Variants in RNF185 observed in about 807,000 individuals in gnomAD.
RNF185 encodes E3 ubiquitin-protein ligase RNF185.
RNF185 carries 13 observed loss-of-function variants against 24.9 expected under a neutral mutation model. The observed-to-expected ratio is 0.52, with a 90% CI of 0.34 to 0.83. The LOEUF is 0.83. Among genes scored for constraint, RNF185 ranks in the 40% least tolerant of loss-of-function variants. The pLI, the probability that RNF185 is intolerant of heterozygous loss-of-function variation, is 0.01. For missense variants in RNF185, 184 were observed against 244.7 expected, an observed-to-expected ratio of 0.75 and a Z score of 1.65; for synonymous variants, 79 against 90.3, an observed-to-expected ratio of 0.88 and a Z score of 0.71.
At chr22:31,169,601 C>T (rs527903361) in intron 1 of RNF185, among the ~76,000 whole-genome samples, 1 of 152,240 alleles carries the variant, frequency 6.6e-6, no homozygotes, top group Admixed American at 6.6e-5. Context: ...GGCTGGAGTG[C>T]AGTGGCGTGA....
At chr22:31,202,012 T>C (rs888705460) in intron 6 of RNF185, among the ~76,000 whole-genome samples, 2 of 152,168 alleles carry the variant, frequency 1.3e-5, no homozygotes, top group African/African-American at 4.8e-5. Context: ...CTTCCCACTT[T>C]GACCATTTGG....
At chr22:31,173,404 C>CACACAGACACAG (rs1555881052) in intron 1 of RNF185, among the ~76,000 whole-genome samples, 1 of 87,792 alleles carries the variant, frequency 1.1e-5, no homozygotes, top group South Asian at 4.0e-4. Flanking sequence ...TCAACTCATT[C>CACACAGACACAG]ACACACACAC....
At chr22:31,165,563 C>T (rs760497750) in intron 1 of RNF185, among the ~76,000 whole-genome samples, 1 of 152,192 alleles carries the variant, frequency 6.6e-6, no homozygotes, top group Non-Finnish European at 1.5e-5. Flanking sequence ...TGTCCCTGAT[C>T]TGAATGTAGT....
intron 1 of RNF185, among the ~76,000 whole-genome samples, chr22:31,164,390 A>T (rs1923775587): frequency 6.6e-6 from 1 of 152,228 alleles, no homozygotes; most frequent in South Asian, 2.1e-4. Flanking sequence ...GTACATAATT[A>T]TATCAGAATT....
At chr22:31,190,913 G>GT (rs1390559334) in intron 2 of RNF185, among the ~76,000 whole-genome samples, 2 of 152,098 alleles carry the variant, frequency 1.3e-5, no homozygotes, top group African/African-American at 4.8e-5. Flanking sequence ...TCTATGTTAG[G>GT]TATGTTTAAA....
intron 1 of RNF185, among the ~76,000 whole-genome samples, chr22:31,166,048 G>C (rs570653390): frequency 3.9e-5 from 6 of 152,034 alleles, no homozygotes; most frequent in Non-Finnish European, 4.4e-5. Flanking sequence ...CTGGAGTGCA[G>C]TGGCACAGTG....
intron 1 of RNF185, among the ~76,000 whole-genome samples, chr22:31,173,522 A>G (rs2047952659): frequency 6.6e-6 from 1 of 152,094 alleles, no homozygotes; most frequent in Admixed American, 6.6e-5. Context: ...GCGCTTGACA[A>G]GACGCACAAG....
chr22:31,170,665 C>T (rs1027538577), intron 1 of RNF185, among the ~76,000 whole-genome samples: 2 of 151,980 alleles, frequency 1.3e-5, no homozygotes, highest in African/African-American at 4.8e-5. Flanking sequence ...CATGTGCCAC[C>T]ACACCCAGCT....
At chr22:31,203,219 A>G (rs1056361798) in intron 6 of RNF185, among the ~76,000 whole-genome samples, 1 of 152,196 alleles carries the variant, frequency 6.6e-6, no homozygotes, top group African/African-American at 2.4e-5. Flanking sequence ...CTGGACACAG[A>G]TTCTTTTATC....
At chr22:31,183,418 G>C (rs2048059183) in intron 1 of RNF185, among the ~76,000 whole-genome samples, 2 of 151,082 alleles carry the variant, frequency 1.3e-5, no homozygotes, top group Non-Finnish European at 1.5e-5. Flanking sequence ...GATCATTCTT[G>C]GGTGTTTCTC....
chr22:31,192,562 C>G (rs2048165469), intron 2 of RNF185, 122 bp from the exon 3 acceptor site: 2 of 823,796 alleles, frequency 2.4e-6, no homozygotes, highest in Non-Finnish European at 4.2e-6. Context: ...TAGTTTACTC[C>G]TGTTTTCTCA....
chr22:31,184,048 C>T (rs574154835), intron 1 of RNF185, among the ~76,000 whole-genome samples: 4 of 150,094 alleles, frequency 2.7e-5, no homozygotes, highest in Non-Finnish European at 4.5e-5. Flanking sequence ...GGGCGGCTGG[C>T]CGGTCGGGGG....
At chr22:31,183,607 CAAGCATCTGTTTAACA>C (rs2048062120) in intron 1 of RNF185, among the ~76,000 whole-genome samples, 1 of 152,078 alleles carries the variant, frequency 6.6e-6, no homozygotes, top group African/African-American at 2.4e-5. Flanking sequence ...ATGCTGCCTT[CAAGCATCTGTTTAACA>C]AAGCACATCT....
At chr22:31,183,767 C>A (rs2048063750) in intron 1 of RNF185, among the ~76,000 whole-genome samples, 1 of 152,352 alleles carries the variant, frequency 6.6e-6, no homozygotes, top group South Asian at 2.1e-4. Flanking sequence ...AAAATGGAGT[C>A]TGCTATGTCT....
chr22:31,163,329 G>T (rs2147914782), intron 1 of RNF185, among the ~76,000 whole-genome samples: 1 of 150,760 alleles, frequency 6.6e-6, no homozygotes, highest in Admixed American at 6.7e-5. Context: ...CCTGCATCGT[G>T]TACATTTTTT....
At chr22:31,166,888 G>T (rs982063624) in intron 1 of RNF185, among the ~76,000 whole-genome samples, 1 of 152,080 alleles carries the variant, frequency 6.6e-6, no homozygotes, top group Admixed American at 6.6e-5. Context: ...GACCTCAGAC[G>T]ATCCACCCAC....
intron 1 of RNF185, among the ~76,000 whole-genome samples, chr22:31,163,656 T>TTTTATTTA (rs60362805): frequency 0.23 from 32,627 of 140,890 alleles, 4,538 homozygotes; most frequent in East Asian, 0.7. Context: ...TTTTATTTTA[T>TTTTATTTA]TTTATTTATT....
intron 6 of RNF185, among the ~76,000 whole-genome samples, chr22:31,202,088 AG>A (rs2048268718): frequency 6.6e-6 from 1 of 152,148 alleles, no homozygotes; most frequent in Non-Finnish European, 1.5e-5. Context: ...ATCTCTGTCT[AG>A]CTTCCTTCAG....
At chr22:31,183,999 C>T (rs1410451765) in intron 1 of RNF185, among the ~76,000 whole-genome samples, 2 of 140,202 alleles carry the variant, frequency 1.4e-5, no homozygotes, top group East Asian at 4.5e-4. Flanking sequence ...GACGGGGCAG[C>T]TGGCCGGGCG....
Sources: gnomAD v4.1 joint callset for allele counts (sites outside exome capture counted in the v4.1 genomes callset) on GRCh38, gnomAD v4.1.1 for gene constraint, MANE v1.5 for transcripts, NCBI Gene and HGNC (gene_info 2026-07-23, HGNC 2026-07-21) for gene names.